The following ETAA1 variants were observed in gnomAD, a reference collection of about 807,000 sequenced individuals.
ETAA1 encodes the protein ETAA1 activator of ATR kinase, also known as ewing's tumor-associated antigen 1.
In ETAA1, 49 loss-of-function variants were observed where a neutral mutation model predicts 76.8. The ratio of observed to expected loss-of-function variants is 0.64; its 90% CI spans 0.51 to 0.81. The LOEUF is 0.81. Ranked by LOEUF, ETAA1 falls within the 30% of genes least tolerant of loss-of-function variation. ETAA1 has a pLI of 0.00. For missense variants in ETAA1, 1,099 were observed against 1,074.0 expected (o/e 1.02, Z -0.32); for synonymous variants, 373 against 372.2 (o/e 1.00, Z -0.03).
chr2:67,410,467 T>G lies in ETAA1; in HGVS notation c.*429T>G, dbSNP rs1310281365. 2 of 152,766 alleles carry G rather than the reference T, an allele frequency of 1.3e-5. No homozygotes were observed. Among genetic ancestry groups the G allele is most frequent in the African/African-American group, 2.4e-5 (1 of 41,456 alleles). 9.5% of individuals were successfully genotyped at this position (152,766 alleles called of 1,614,324 possible). A position where few individuals can be genotyped will look rare whatever the true frequency, so the allele number is the denominator to read the frequency against. ...ACTGTTGCTTAAGGTTTTTATACAC[T>G]TCCAGATTTTAATTAATACTTTCAT... On this transcript the variant is annotated 3_prime_UTR_variant, in exon 6 of 6. Coordinates refer to ENST00000272342, the MANE Select transcript of ETAA1 (RefSeq NM_019002.4).
At chr2:67,403,076 A>G in intron 4 of ETAA1, 102 bp downstream of exon 4, 1 of 1,169,322 alleles carries the variant, frequency 8.6e-7, no homozygotes. Flanking sequence ...TTTGTTAATA[A>G]AATTTCCACA....
chr2:67,404,052 T>C lies in ETAA1; in HGVS notation c.1370T>C (p.Ile457Thr), dbSNP rs769534748. 7.5e-6 allele frequency: 12 copies of C among 1,605,750 alleles called. No individual in the cohort carries two copies. The highest frequency in any genetic ancestry group is 9.4e-6 in the Non-Finnish European group (11 of 1,176,398). Reference sequence around the variant, plus strand: ...TCAAAGACATATGACAGAGAATTAATAGATGCAGAATATAGATTTTCACCA... The same window carrying C: ...TCAAAGACATATGACAGAGAATTAACAGATGCAGAATATAGATTTTCACCA... ...LSSKTYDRELIDAEYRFSPNS... is the reference protein window; with the variant it reads ...LSSKTYDRELTDAEYRFSPNS... Residue 457 changes from isoleucine (I) to threonine (T), a missense_variant, in exon 5 of 6, where the codon ATA (isoleucine) becomes ACA (threonine). Transcript: ENST00000272342.
chr2:67,410,841 C>G lies in ETAA1; in HGVS notation c.*803C>G, dbSNP rs186039971. 6.6e-6 allele frequency: 1 copy of G among 151,896 alleles called. No individual in the cohort carries two copies. Among genetic ancestry groups the G allele is most frequent in the Admixed American group, 6.6e-5 (1 of 15,220 alleles). 9.4% of individuals were successfully genotyped at this position (151,896 alleles called of 1,614,324 possible). The stretch of plus-strand genomic sequence containing the variant: ...CAATTAGAATGATTTATTTGGACAC[C>G]TAAACAATTATACTATTTGTTTCAA... On this transcript the variant is annotated 3_prime_UTR_variant, in exon 6 of 6. Coordinates refer to ENST00000272342, the MANE Select transcript of ETAA1 (RefSeq NM_019002.4).
chr2:67,402,792 T>C, intron 3 of ETAA1, 70 bp from the exon 4 acceptor site: 1 of 1,021,564 alleles, frequency 9.8e-7, no homozygotes, highest in Middle Eastern at 2.2e-4. Context: ...TTTTCTTTCT[T>C]TTGTTTTTTT....
chr2:67,410,057 A>ACTT lies in ETAA1; in HGVS notation c.*21_*23dup. ...TCTTTAATGAAATATTAGTTGGAAGACTTCACGAAGACTGCTGATAACTAT... is the reference window on the plus strand; with the variant it reads ...TCTTTAATGAAATATTAGTTGGAAGACTTCTTCACGAAGACTGCTGATAACTAT... On this transcript the variant is annotated 3_prime_UTR_variant, in exon 6 of 6. Coordinates refer to ENST00000272342, the MANE Select transcript of ETAA1 (RefSeq NM_019002.4). 6.3e-7 allele frequency: 1 copy of ACTT among 1,594,806 alleles called. No individual in the cohort carries two copies. Among genetic ancestry groups the ACTT allele is most frequent in the Non-Finnish European group, 8.5e-7 (1 of 1,174,442 alleles).
Position 67,397,675 on chromosome 2 carries a change from A to G in ETAA1, c.223+4A>G. 1 of 1,545,536 alleles carries G rather than the reference A, an allele frequency of 6.5e-7. No individual in the cohort carries two copies. ...TGCAGTAAAAGTAACCCCGAGGGTG[A>G]GACGTCGGCAGCGCGGCCTGCCTTG... On this transcript the variant is annotated splice_donor_region_variant and intron_variant, in intron 1 of 5. Coordinates refer to ENST00000272342, the MANE Select transcript of ETAA1 (RefSeq NM_019002.4).
chr2:67,404,217 C>A lies in ETAA1; in HGVS notation c.1535C>A (p.Thr512Asn). 1 of 1,611,830 alleles carries A rather than the reference C, an allele frequency of 6.2e-7. No individual in the cohort carries two copies. Among genetic ancestry groups the A allele is most frequent in the Non-Finnish European group, 8.5e-7 (1 of 1,178,924 alleles). Reference protein sequence around the residue: ...NLTKIKEDILTNSTEASERKS... With the variant: ...NLTKIKEDILNNSTEASERKS... ...ACAAAAATAAAGGAAGATATTCTTACTAACTCTACTGAAGCTTCTGAAAGG... is the reference window on the plus strand; with the variant it reads ...ACAAAAATAAAGGAAGATATTCTTAATAACTCTACTGAAGCTTCTGAAAGG... The change falls in exon 5 of 6, where the codon ACT becomes AAT. Residue 512 changes from threonine to asparagine, a missense_variant. Thr to Asn is a moderately conservative substitution (Grantham distance 65). Coordinates refer to ENST00000272342, the MANE Select transcript of ETAA1 (RefSeq NM_019002.4).
At chr2:67,406,615 G>A (rs894335207) in intron 5 of ETAA1, among the ~76,000 whole-genome samples, 3 of 152,064 alleles carry the variant, frequency 2.0e-5, no homozygotes, top group African/African-American at 7.2e-5. Context: ...AAAAAGTTAA[G>A]TCTTCTGTTT....
Position 67,411,368 on chromosome 2 carries a change from CAATA to C in ETAA1, c.*1333_*1336del, listed in dbSNP as rs1174896465. On this transcript the variant is annotated 3_prime_UTR_variant, in exon 6 of 6. Transcript: ENST00000272342. ...CTCAACTTACCGTGTAGTTACATCCCAATAAACCCATCATGAGTTGAAAATACCT... is the reference window on the plus strand; with the variant it reads ...CTCAACTTACCGTGTAGTTACATCCCAACCCATCATGAGTTGAAAATACCT... The C allele has an allele frequency of 1.3e-5, 2 of 152,032 alleles. No homozygotes were observed. The highest frequency in any genetic ancestry group is 1.3e-4 in the Admixed American group (2 of 15,232). 9.4% of individuals were successfully genotyped at this position (152,032 alleles called of 1,614,324 possible). A position where few individuals can be genotyped will look rare whatever the true frequency, so the allele number is the denominator to read the frequency against.
In ETAA1 at chr2:67,404,815, AAT is replaced by A; in HGVS notation, c.2135_2136del (p.Ile712ArgfsTer2). ...AGACATCTTTGACAAATAGCTCACA[AAT>A]AGATAAGCCAATGAAGATGGAGAAA... is the stretch of plus-strand genomic sequence containing the variant. ...VQTSLTNSSQ[I>X]DKPMKMEKGE... is the part of the protein sequence containing the mutation. On this transcript the variant is annotated frameshift_variant, in exon 5 of 6. Transcript: ENST00000272342. LOFTEE classifies it high-confidence loss of function. 6.2e-7 allele frequency: 1 copy of A among 1,613,392 alleles called. No homozygotes were observed. Among genetic ancestry groups the A allele is most frequent in the Non-Finnish European group, 8.5e-7 (1 of 1,179,540 alleles).
At position 67,403,747 on chromosome 2, in the gene ETAA1, A is replaced by G. The variant is rs145251948; in HGVS notation, c.1065A>G (p.Ser355=). The G allele has an allele frequency of 1.2e-6, 2 of 1,613,440 alleles. No individual in the cohort carries two copies. The highest frequency in any genetic ancestry group is 1.7e-6 in the Non-Finnish European group (2 of 1,179,498). ...TAGATACACCCATAATGACAAAATC[A>G]TGTGTGACTTCCTGTACTAAGGAGC... ...SQVDTPIMTK[S]CVTSCTKEPE... The change falls in exon 5 of 6, where the codon TCA becomes TCG. Residue 355 remains serine (S), a synonymous_variant. Coordinates refer to ENST00000272342, the MANE Select transcript of ETAA1 (RefSeq NM_019002.4).
chr2:67,403,444 A>C lies in ETAA1; in HGVS notation c.762A>C (p.Pro254=), dbSNP rs746211649. The change falls in exon 5 of 6, where the codon CCA becomes CCC. Residue 254 remains proline, a synonymous_variant. Coordinates refer to ENST00000272342, the MANE Select transcript of ETAA1 (RefSeq NM_019002.4). ...AAATAGATAATGCTACAAAAAAGCC[A>C]ATCAAAGGAAACACCAAGATATCTG... ...VPEIDNATKK[P]IKGNTKISVA... 4.3e-6 allele frequency: 7 copies of C among 1,613,038 alleles called. No homozygotes were observed. The South Asian group carries it at 7.7e-5, about 18-fold the overall frequency.
At position 67,403,241 on chromosome 2, in the gene ETAA1, C is replaced by T; in HGVS notation, c.559C>T (p.Gln187Ter). The T allele has an allele frequency of 6.4e-7, 1 of 1,560,822 alleles. No individual in the cohort carries two copies. The highest frequency in any genetic ancestry group is 1.2e-5 in the South Asian group (1 of 81,592). Residue 187 changes from glutamine (Q) to a stop codon, truncating the protein, a stop_gained, in exon 5 of 6, where the codon CAA becomes TAA. Coordinates refer to ENST00000272342, the MANE Select transcript of ETAA1 (RefSeq NM_019002.4). LOFTEE classifies it high-confidence loss of function. ...ISCTKLKTQSQEEELMKLAKQ... is the reference protein window; with the variant it reads ...ISCTKLKTQS Reference sequence around the variant, plus strand: ...GTTTAATAGGTTAAAAACACAAAGTCAAGAAGAAGAACTTATGAAACTGGC... The same window carrying T: ...GTTTAATAGGTTAAAAACACAAAGTTAAGAAGAAGAACTTATGAAACTGGC...
At chr2:67,399,090 C>T in intron 1 of ETAA1, 79 bp from the exon 2 acceptor site, 1 of 1,276,746 alleles carries the variant, frequency 7.8e-7, no homozygotes, top group African/African-American at 1.5e-5. Context: ...TTAGTCTCAG[C>T]TATTTGACCT....
chr2:67,411,482 T>C lies in ETAA1; in HGVS notation c.*1444T>C, dbSNP rs182977939. 16 of 152,212 alleles carry C rather than the reference T, an allele frequency of 1.1e-4. No homozygotes were observed. The highest frequency in any genetic ancestry group is 1.0e-3 in the Admixed American group (16 of 15,258). The allele number at this position is 152,212 out of a possible 1,614,324, so 9.4% of individuals were successfully genotyped here. ...ACCTTAAACATGCTCAAATCACTTATATTAGCCTAGAGTTGGGCACATCAT... is the reference window on the plus strand; with the variant it reads ...ACCTTAAACATGCTCAAATCACTTACATTAGCCTAGAGTTGGGCACATCAT... On this transcript the variant is annotated 3_prime_UTR_variant, in exon 6 of 6. Transcript: ENST00000272342.
chr2:67,403,122 A>G, intron 4 of ETAA1, 103 bp from the exon 5 acceptor site: 2 of 1,117,392 alleles, frequency 1.8e-6, no homozygotes, highest in Non-Finnish European at 2.5e-6. Context: ...TAAAATAATT[A>G]TAACTGTTAA....
chr2:67,399,224 C>T lies in ETAA1; in HGVS notation c.279C>T (p.Phe93=), dbSNP rs764891696. Residue 93 remains phenylalanine (F), a synonymous_variant, in exon 2 of 6, where the codon TTC becomes TTT. Coordinates refer to ENST00000272342, the MANE Select transcript of ETAA1 (RefSeq NM_019002.4). ...ALKMDSLSSS[F]SSPNDPDGQN... ...AAATGGACTCACTGTCATCTTCCTT[C>T]AGTTCTCCTAATGATCCAGATGGAC... The T allele has an allele frequency of 7.4e-6, 12 of 1,613,366 alleles. No individual in the cohort carries two copies. In the South Asian group the frequency reaches 8.8e-5, roughly 12 times the overall value.
At chr2:67,399,510 T>A (rs1458521140) in intron 2 of ETAA1, 40 bp from the exon 3 acceptor site, 1 of 1,493,928 alleles carries the variant, frequency 6.7e-7, no homozygotes, top group Non-Finnish European at 9.2e-7. Context: ...AATGGAGGGT[T>A]TTTTGTTTAA....
At chr2:67,398,370 C>T (rs1213408056) in intron 1 of ETAA1, among the ~76,000 whole-genome samples, 1 of 143,958 alleles carries the variant, frequency 6.9e-6, no homozygotes, top group Non-Finnish European at 1.5e-5. Context: ...GAATCTCGCC[C>T]TGTCGCCCAG....
Sources: allele counts gnomAD v4.1 joint callset (sites outside exome capture counted in the v4.1 genomes callset), GRCh38; gene constraint gnomAD v4.1.1; transcripts MANE v1.5; gene names NCBI Gene and HGNC (gene_info 2026-07-23, HGNC 2026-07-21).